Variants in CFAP299 observed in about 807,000 individuals in gnomAD.
CFAP299 encodes the protein cilia and flagella associated protein 299.
Under a neutral mutation model 27.0 loss-of-function variants are expected in CFAP299, and 21 were observed. The ratio of observed to expected loss-of-function variants is 0.78; its 90% CI spans 0.55 to 1.12. The LOEUF is 1.12. Ranked by LOEUF, CFAP299 falls within the 50% of genes most tolerant of loss-of-function variation. The pLI, the probability that CFAP299 is intolerant of heterozygous loss-of-function variation, is 0.00. For missense variants in CFAP299, 310 were observed against 276.6 expected (o/e 1.12, Z -0.86); for synonymous variants, 104 against 98.1 (o/e 1.06, Z -0.36).
At chr4:80,757,573 G>A (rs1725306862) in intron 3 of CFAP299, among the ~76,000 whole-genome samples, 1 of 152,010 alleles carries the variant, frequency 6.6e-6, no homozygotes, top group South Asian at 2.1e-4. Flanking sequence ...GCCTTCTATA[G>A]TTTCTTACCA....
At chr4:80,444,378 A>T (rs1189027540) in intron 2 of CFAP299, among the ~76,000 whole-genome samples, 1 of 152,140 alleles carries the variant, frequency 6.6e-6, no homozygotes. Context: ...AACACCACAC[A>T]TCTACAACCA....
intron 3 of CFAP299, among the ~76,000 whole-genome samples, chr4:80,759,567 T>A (rs1271522296): frequency 6.6e-6 from 1 of 152,196 alleles, no homozygotes; most frequent in East Asian, 1.9e-4. Flanking sequence ...TTCTCACCTA[T>A]GTTAAGAAAT....
At chr4:80,614,627 A>G (rs762482698) in intron 3 of CFAP299, among the ~76,000 whole-genome samples, 3 of 152,210 alleles carry the variant, frequency 2.0e-5, no homozygotes, top group Non-Finnish European at 2.9e-5. Flanking sequence ...CAGAGAAATT[A>G]GAAGACTTGG....
At chr4:80,522,297 GTCT>G (rs1466778164) in intron 2 of CFAP299, among the ~76,000 whole-genome samples, 4 of 151,798 alleles carry the variant, frequency 2.6e-5, no homozygotes, top group Admixed American at 6.6e-5. Context: ...TCATTTATAT[GTCT>G]TCTTTAGAGA....
intron 2 of CFAP299, among the ~76,000 whole-genome samples, chr4:80,465,854 G>T (rs945519129): frequency 6.6e-6 from 1 of 151,972 alleles, no homozygotes; most frequent in South Asian, 2.1e-4. Flanking sequence ...TAAAGCAGAC[G>T]GTCCCAAAGA....
the CFAP299 span, among the ~76,000 whole-genome samples, chr4:80,330,385 A>G: frequency 6.6e-6 from 1 of 152,126 alleles, no homozygotes; most frequent in African/African-American, 2.4e-5. Flanking sequence ...TCTTAAATAG[A>G]CAGACCACAG....
At chr4:80,409,391 A>G (rs1726598247) in intron 2 of CFAP299, among the ~76,000 whole-genome samples, 1 of 152,218 alleles carries the variant, frequency 6.6e-6, no homozygotes, top group Non-Finnish European at 1.5e-5. Flanking sequence ...AATTAGATTT[A>G]AAATGTACTG....
intron 3 of CFAP299, among the ~76,000 whole-genome samples, chr4:80,639,203 C>A (rs1167217428): frequency 3.3e-5 from 5 of 152,076 alleles, no homozygotes; most frequent in African/African-American, 1.2e-4. Context: ...AAGTAAGACA[C>A]AAATAATTCC....
At chr4:80,674,421 G>C (rs1186540038) in intron 3 of CFAP299, among the ~76,000 whole-genome samples, 1 of 152,138 alleles carries the variant, frequency 6.6e-6, no homozygotes, top group Non-Finnish European at 1.5e-5. Flanking sequence ...CCCTTTGTGG[G>C]TAACCTGACC....
At chr4:80,857,946 C>T (rs903751727) in intron 3 of CFAP299, among the ~76,000 whole-genome samples, 1 of 152,104 alleles carries the variant, frequency 6.6e-6, no homozygotes, top group African/African-American at 2.4e-5. Context: ...AGGATTCCCT[C>T]TTTTTCTATT....
chr4:80,616,086 A>C (rs987822978), intron 3 of CFAP299, among the ~76,000 whole-genome samples: 1 of 152,136 alleles, frequency 6.6e-6, no homozygotes, highest in Non-Finnish European at 1.5e-5. Context: ...TTCACCTAAA[A>C]ATTTAACAAA....
chr4:80,827,583 T>TA (rs1376591766), intron 3 of CFAP299, among the ~76,000 whole-genome samples: 1 of 151,970 alleles, frequency 6.6e-6, no homozygotes, highest in Non-Finnish European at 1.5e-5. Flanking sequence ...AAACCATATA[T>TA]AAAAAACCCA....
chr4:80,416,109 C>A (rs1726988507), intron 2 of CFAP299, among the ~76,000 whole-genome samples: 1 of 152,176 alleles, frequency 6.6e-6, no homozygotes, highest in South Asian at 2.1e-4. Flanking sequence ...CTGTTGAAAG[C>A]ACAAATTGTT....
chr4:80,758,130 C>T (rs1341803510), intron 3 of CFAP299, among the ~76,000 whole-genome samples: 1 of 152,166 alleles, frequency 6.6e-6, no homozygotes, highest in Non-Finnish European at 1.5e-5. Context: ...CAGCCTTTTG[C>T]ACCTGGACCT....
At chr4:80,553,766 T>C (rs1734649327) in intron 2 of CFAP299, among the ~76,000 whole-genome samples, 1 of 152,232 alleles carries the variant, frequency 6.6e-6, no homozygotes, top group Non-Finnish European at 1.5e-5. Context: ...TACTGAGGTT[T>C]TTTCATATGC....
chr4:80,628,734 A>G lies in CFAP299; in HGVS notation c.333+45551A>G, dbSNP rs1477818046. On this transcript the variant is annotated intron_variant, in intron 3 of 5. Coordinates refer to ENST00000358105, the MANE Select transcript of CFAP299 (RefSeq NM_152770.3). ...AAAAAGTATGTGAAACAAAAGCTCA[A>G]TATTACTAATCAGGGAAACATAAAT... is the stretch of plus-strand genomic sequence containing the variant. 1.4e-4 allele frequency among the ~76,000 whole-genome samples: 21 copies of G among 152,210 alleles called. 1 individual carries two copies. The highest frequency in any genetic ancestry group is 1.4e-3 in the Admixed American group (21 of 15,278).
intron 3 of CFAP299, among the ~76,000 whole-genome samples, chr4:80,739,350 G>C (rs1560727113): frequency 6.6e-6 from 1 of 151,974 alleles, no homozygotes; most frequent in Non-Finnish European, 1.5e-5. Context: ...CGTCAGGTCT[G>C]GTATTGATGA....
intron 2 of CFAP299, among the ~76,000 whole-genome samples, chr4:80,465,301 T>C (rs1729647965): frequency 6.6e-6 from 1 of 152,190 alleles, no homozygotes; most frequent in Non-Finnish European, 1.5e-5. Context: ...AAATAAAAAC[T>C]TCTAAACAGA....
chr4:80,744,910 A>G (rs1724496995), intron 3 of CFAP299, among the ~76,000 whole-genome samples: 1 of 152,154 alleles, frequency 6.6e-6, no homozygotes, highest in Non-Finnish European at 1.5e-5. Flanking sequence ...TGGTGGCTGC[A>G]CATCACTTTG....
Sources: allele counts gnomAD v4.1 joint callset (sites outside exome capture counted in the v4.1 genomes callset), GRCh38; gene constraint gnomAD v4.1.1; transcripts MANE v1.5; gene names NCBI Gene and HGNC (gene_info 2026-07-23, HGNC 2026-07-21).